The following SRSF11 variants were observed in gnomAD, a reference collection of about 807,000 sequenced individuals.
SRSF11 encodes the protein serine/arginine-rich splicing factor 11.
In SRSF11, 9 loss-of-function variants were observed where a neutral mutation model predicts 56.0. The ratio of observed to expected loss-of-function variants is 0.16; its 90% CI spans 0.10 to 0.28. SRSF11 has a LOEUF of 0.28. Ranked by LOEUF, SRSF11 falls within the 10% of genes least tolerant of loss-of-function variation. SRSF11 has a pLI of 1.00. For missense variants in SRSF11, 421 were observed against 600.7 expected (o/e 0.70, Z 3.13); for synonymous variants, 222 against 215.3 (o/e 1.03, Z -0.27).
At chr1:70,247,242 A>G (rs1331994199) in intron 9 of SRSF11, 4 of 371,164 alleles carry the variant, frequency 1.1e-5, no homozygotes, top group Non-Finnish European at 1.5e-5. Context: ...TATATTTATC[A>G]TCTGCATGTT....
At position 70,237,382 on chromosome 1, in the gene SRSF11, C is replaced by T. The variant is rs1050575204; in HGVS notation, c.591-43C>T. ...AGTATTTATTTGAAATGCTCGTGTG[C>T]ATTTTAAAATATTTCAGATCCCATT... On this transcript the variant is annotated intron_variant, in intron 5 of 11. Coordinates refer to ENST00000370949, the MANE Select transcript of SRSF11 (RefSeq NM_001350605.2). 3.7e-6 allele frequency: 6 copies of T among 1,601,410 alleles called. No homozygotes were observed. The African/African-American group carries it at 8.1e-5, about 22-fold the overall frequency.
At chr1:70,221,922 G>C in intron 1 of SRSF11, 83 bp downstream of exon 1, 1 of 1,551,636 alleles carries the variant, frequency 6.4e-7, no homozygotes, top group East Asian at 2.3e-5. Context: ...GGCCCCTGTC[G>C]CTGCTTCCCC....
chr1:70,250,327 A>T, intron 10 of SRSF11, 38 bp from the exon 11 acceptor site: 1 of 1,605,164 alleles, frequency 6.2e-7, no homozygotes, highest in Non-Finnish European at 8.5e-7. Context: ...CATCTAAACA[A>T]GTTAAACCTG....
chr1:70,240,479 T>C lies in SRSF11; in HGVS notation c.800+959T>C, dbSNP rs1323951561. Among the ~76,000 whole-genome samples, 5 of 152,196 alleles carry C rather than the reference T, an allele frequency of 3.3e-5. No individual in the cohort carries two copies. The East Asian group carries it at 9.6e-4, about 29-fold the overall frequency. On this transcript the variant is annotated intron_variant, in intron 7 of 11. Coordinates refer to ENST00000370949, the MANE Select transcript of SRSF11 (RefSeq NM_001350605.2). The stretch of plus-strand genomic sequence containing the variant: ...CAACACAGTGGAAAAGGCAATAATT[T>C]GTTATTACTTTGAAAATAATTTTGA...
intron 6 of SRSF11, 27 bp from the exon 7 acceptor site, chr1:70,239,412 T>G: frequency 1.3e-6 from 2 of 1,535,056 alleles, no homozygotes; most frequent in Non-Finnish European, 1.8e-6. Flanking sequence ...AACTTCTAAA[T>G]GCAGGTTCCT....
chr1:70,213,310 G>C (rs887213545), intron 1 of SRSF11, among the ~76,000 whole-genome samples: 1 of 152,142 alleles, frequency 6.6e-6, no homozygotes, highest in African/African-American at 2.4e-5. Context: ...TAGAATCAGG[G>C]AATAGAATAG....
At chr1:70,234,888 TGTA>T (rs1421568064) in intron 4 of SRSF11, 100 bp downstream of exon 4, 16 of 946,152 alleles carry the variant, frequency 1.7e-5, no homozygotes, top group Middle Eastern at 3.1e-4. Context: ...ATGGCTATGT[TGTA>T]GTAATTTTTT....
intron 7 of SRSF11, among the ~76,000 whole-genome samples, chr1:70,244,347 G>A (rs1389060485): frequency 6.6e-6 from 1 of 152,134 alleles, no homozygotes; most frequent in Non-Finnish European, 1.5e-5. Context: ...CTATATAATT[G>A]TATAAGATGA....
upstream of SRSF11, chr1:70,218,523 A>G (rs1670224227): frequency 1.3e-5 from 2 of 152,204 alleles, no homozygotes; most frequent in South Asian, 4.1e-4. Context: ...TGTAGTTTTA[A>G]TTATGAAATG....
chr1:70,221,395 G>A lies in SRSF11; in HGVS notation c.-242G>A, dbSNP rs1448791554. 9.4e-6 allele frequency: 5 copies of A among 529,904 alleles called. No individual in the cohort carries two copies. Among genetic ancestry groups the A allele is most frequent in the African/African-American group, 4.0e-5 (2 of 50,330 alleles). The allele number at this position is 529,904 out of a possible 1,614,324, so 32.8% of individuals were successfully genotyped here. A position where few individuals can be genotyped will look rare whatever the true frequency, so the allele number is the denominator to read the frequency against. Reference sequence around the variant, plus strand: ...CGGGCCCGCTAGTGTCGTGGTTGGAGGCGAGGTGGGGCGGCCGTTTGTTTT... The same window carrying A: ...CGGGCCCGCTAGTGTCGTGGTTGGAAGCGAGGTGGGGCGGCCGTTTGTTTT... On this transcript the variant is annotated 5_prime_UTR_variant, in exon 1 of 12. Transcript: ENST00000370949.
chr1:70,218,909 A>T (rs12085870), upstream of SRSF11: 3 of 152,232 alleles, frequency 2.0e-5, no homozygotes, highest in Non-Finnish European at 4.4e-5. Flanking sequence ...TTCAAAAAAT[A>T]AAAAATAATG....
At chr1:70,242,882 A>G (rs147644786) in intron 7 of SRSF11, among the ~76,000 whole-genome samples, 130 of 152,298 alleles carry the variant, frequency 8.5e-4, no homozygotes, top group Non-Finnish European at 1.5e-3. Flanking sequence ...GCTCAAGAAT[A>G]CAGTCATGAA....
chr1:70,246,737 A>T, intron 8 of SRSF11, 81 bp from the exon 9 acceptor site: 1 of 788,838 alleles, frequency 1.3e-6, no homozygotes, highest in South Asian at 1.9e-5. Flanking sequence ...AGATCTGATT[A>T]TATTTTTGTG....
At chr1:70,232,516 T>A in intron 3 of SRSF11, 139 bp downstream of exon 3, 1 of 636,808 alleles carries the variant, frequency 1.6e-6, no homozygotes, top group Non-Finnish European at 2.7e-6. Flanking sequence ...AAATCACAAA[T>A]AGTATAGAAG....
chr1:70,250,465 G>A lies in SRSF11; in HGVS notation c.1219G>A (p.Asp407Asn). The A allele has an allele frequency of 6.2e-7, 1 of 1,600,466 alleles. No individual in the cohort carries two copies. The highest frequency in any genetic ancestry group is 8.6e-7 in the Non-Finnish European group (1 of 1,167,832). The change falls in exon 11 of 12, where the codon GAC becomes AAC. Residue 407 changes from aspartate (D) to asparagine (N), a missense_variant. Around this residue, in one of 2 missense-constraint regions of SRSF11, gnomAD observed 253 missense variants for 305.8 expected, o/e 0.83. Transcript: ENST00000370949. ...KKKKSKDKEK[D>N]RERKSESDKD... ...GAAGAAGAGTAAAGATAAGGAAAAG[G>A]ACCGGGAAAGAAAATCAGAGAGTGA...
chr1:70,249,819 C>A, intron 9 of SRSF11, 133 bp from the exon 10 acceptor site: 1 of 906,636 alleles, frequency 1.1e-6, no homozygotes, highest in Non-Finnish European at 1.7e-6. Context: ...CTCAGCCTGC[C>A]AAAGTGCTGG....
chr1:70,209,791 G>GTTTTTTTTTT (rs1669393011), intron 1 of SRSF11, among the ~76,000 whole-genome samples: 1 of 63,554 alleles, frequency 1.6e-5, no homozygotes, highest in Non-Finnish European at 3.0e-5. Context: ...TAGAGATGAA[G>GTTTTTTTTTT]TTTTGCCATA....
chr1:70,232,207 T>C, intron 2 of SRSF11, 61 bp from the exon 3 acceptor site: 1 of 1,613,022 alleles, frequency 6.2e-7, no homozygotes, highest in Non-Finnish European at 8.5e-7. Context: ...TTTCTGGGTG[T>C]TTTTGTGTGT....
intron 5 of SRSF11, among the ~76,000 whole-genome samples, chr1:70,237,142 C>G (rs1280835379): frequency 6.6e-6 from 1 of 152,072 alleles, no homozygotes; most frequent in African/African-American, 2.4e-5. Context: ...TTTTCTTGTA[C>G]TGGCATTTCT....
Sources: gnomAD v4.1 joint callset for allele counts (sites outside exome capture counted in the v4.1 genomes callset) on GRCh38, gnomAD v4.1.1 for gene constraint, gnomAD v4.1.1 regional missense constraint, MANE v1.5 for transcripts, NCBI Gene and HGNC (gene_info 2026-07-23, HGNC 2026-07-21) for gene names.